RPE: variants seen among roughly 807,000 people sequenced by gnomAD.
RPE encodes ribulose-5-phosphate-3-epimerase, also known as ribulose-phosphate 3-epimerase.
RPE carries 16 observed loss-of-function variants against 24.6 expected under a neutral mutation model. That is an observed-to-expected ratio of 0.65 (90% CI 0.44 to 0.99). The LOEUF (loss-of-function observed/expected upper bound fraction) is 0.99, where lower values mean the gene tolerates loss of function less well. Among genes scored for constraint, RPE ranks in the 50% least tolerant of loss-of-function variants. The pLI is 0.00. For missense variants in RPE, 240 were observed against 294.5 expected (o/e 0.81, Z 1.35); for synonymous variants, 93 against 98.4 (o/e 0.94, Z 0.33).
chr2:210,015,902 A>C (rs1045016978), intron 2 of RPE, 71 bp from the exon 3 acceptor site: 3 of 1,557,956 alleles, frequency 1.9e-6, no homozygotes, highest in African/African-American at 2.7e-5. Flanking sequence ...CAAAAACTAC[A>C]TACAGGTTGG....
rs368018718 is a variant in RPE at position 210,021,998 on chromosome 2, A to T, written c.*2207A>T. 5.4e-5 allele frequency: 8 copies of T among 148,478 alleles called. No homozygotes were observed. The East Asian group carries it at 1.6e-3, about 29-fold the overall frequency. The allele number at this position is 148,478 out of a possible 1,614,324, so 9.2% of individuals were successfully genotyped here. On this transcript the variant is annotated 3_prime_UTR_variant, in exon 6 of 6. Transcript: ENST00000359429. The stretch of plus-strand genomic sequence containing the variant: ...AATTTCTTGCTAATCTAGAAATACA[A>T]TCATCTTTTTTTTTTTTTTCAAATT...
intron 2 of RPE, among the ~76,000 whole-genome samples, chr2:210,014,882 C>A (rs1434632673): frequency 6.6e-6 from 1 of 152,162 alleles, no homozygotes; most frequent in East Asian, 1.9e-4. Context: ...ACACAGGATT[C>A]TTCACAGTGT....
intron 1 of RPE, among the ~76,000 whole-genome samples, chr2:210,005,175 A>G (rs1445741366): frequency 5.9e-5 from 9 of 151,900 alleles, no homozygotes; most frequent in Non-Finnish European, 1.0e-4. Context: ...AGGGCTATGA[A>G]AGTGGGCTGT....
At chr2:210,013,214 G>A (rs556238885) in intron 2 of RPE, among the ~76,000 whole-genome samples, 1 of 152,088 alleles carries the variant, frequency 6.6e-6, no homozygotes, top group Non-Finnish European at 1.5e-5. Context: ...CAGAACAGAT[G>A]TGAGAATATA....
rs1011324146 is a variant in RPE, at chr2:210,020,035, A to G, written c.*244A>G. 1.2e-5 allele frequency: 4 copies of G among 323,072 alleles called. No homozygotes were observed. The highest frequency in any genetic ancestry group is 1.7e-5 in the Non-Finnish European group (3 of 174,562). 20.0% of individuals were successfully genotyped at this position (323,072 alleles called of 1,614,324 possible). ...GATACTGTTTTTATTGAGAGATTTG[A>G]TTTTTATAAAGTAAAAATACGGCTG... On this transcript the variant is annotated 3_prime_UTR_variant, in exon 6 of 6. Transcript: ENST00000359429.
rs1210671999 is a variant in RPE, at chr2:210,019,647, CCTAA to C, written c.565-19_565-16del. On this transcript the variant is annotated intron_variant, in intron 5 of 5. Coordinates refer to ENST00000359429, the MANE Select transcript of RPE (RefSeq NM_199229.3). Reference sequence around the variant, plus strand: ...TTCTACATTTTCCTTTGAGGCATAACCTAACTGTTTACTTCTTCCAGGCAGGAGC... The same window carrying C: ...TTCTACATTTTCCTTTGAGGCATAACCTGTTTACTTCTTCCAGGCAGGAGC... 6 of 1,609,712 alleles carry C rather than the reference CCTAA, an allele frequency of 3.7e-6. No homozygotes were observed. Among genetic ancestry groups the C allele is most frequent in the Middle Eastern group, 1.7e-4 (1 of 6,060 alleles).
chr2:210,003,888 T>C lies in RPE; in HGVS notation c.122+1105T>C, dbSNP rs1387735145. ...AATGTATTGTTTCTCTTTGGCATTT[T>C]ACCCAGTTACCTTAGGAGTCCACCC... On this transcript the variant is annotated intron_variant, in intron 1 of 5. Coordinates refer to ENST00000359429, the MANE Select transcript of RPE (RefSeq NM_199229.3). Among the ~76,000 whole-genome samples the C allele has an allele frequency of 9.9e-5, 15 of 152,220 alleles. 1 individual carries two copies. The highest frequency in any genetic ancestry group is 9.8e-4 in the Admixed American group (15 of 15,284).
At chr2:210,010,524 A>G (rs911454340) in intron 2 of RPE, among the ~76,000 whole-genome samples, 1 of 152,076 alleles carries the variant, frequency 6.6e-6, no homozygotes, top group African/African-American at 2.4e-5. Flanking sequence ...TTGGCCTCCC[A>G]AAGTGCTAGG....
intron 1 of RPE, 72 bp downstream of exon 1, chr2:210,002,855 T>G: frequency 6.2e-7 from 1 of 1,612,148 alleles, no homozygotes. Flanking sequence ...TGACTGCTTG[T>G]TGGATGTACC....
At chr2:210,015,072 T>C (rs899202264) in intron 2 of RPE, among the ~76,000 whole-genome samples, 4 of 152,330 alleles carry the variant, frequency 2.6e-5, no homozygotes, top group Admixed American at 6.5e-5. Context: ...TCCCCCTAAA[T>C]TTGTTCTTGC....
intron 1 of RPE, among the ~76,000 whole-genome samples, chr2:210,008,833 T>G (rs1268302299): frequency 3.9e-5 from 6 of 151,956 alleles, no homozygotes; most frequent in Non-Finnish European, 8.8e-5. Flanking sequence ...GAAGCTGGGA[T>G]TACAGGTGCA....
intron 1 of RPE, 96 bp from the exon 2 acceptor site, chr2:210,009,561 C>T (rs1261324755): frequency 1.3e-6 from 2 of 1,482,034 alleles, no homozygotes; most frequent in South Asian, 1.1e-5. Flanking sequence ...AAAAACATTG[C>T]AGACAATCCC....
rs2093834125 is a variant in RPE at position 210,019,776 on chromosome 2, T to G, written c.672T>G (p.Arg224=). 2 of 1,612,864 alleles carry G rather than the reference T, an allele frequency of 1.2e-6. No individual in the cohort carries two copies. Among genetic ancestry groups the G allele is most frequent in the African/African-American group, 2.7e-5 (2 of 74,900 alleles). The change falls in exon 6 of 6, where the codon CGT becomes CGG. Residue 224 remains arginine, a synonymous_variant. Transcript: ENST00000359429. ...RNVCSEAAQK[R]SLDR ...TTTGCTCAGAAGCTGCTCAGAAACG[T>G]TCTCTTGATCGGTGAAACCATAAGG...
intron 2 of RPE, among the ~76,000 whole-genome samples, chr2:210,012,306 T>C (rs2093711137): frequency 6.6e-6 from 1 of 152,220 alleles, no homozygotes. Flanking sequence ...TTATTTGCCA[T>C]TATTTCTACT....
intron 1 of RPE, among the ~76,000 whole-genome samples, chr2:210,005,351 T>C (rs1313125438): frequency 2.0e-5 from 3 of 152,156 alleles, no homozygotes; most frequent in Non-Finnish European, 4.4e-5. Context: ...ATTTCTCCCC[T>C]GATTACAACT....
chr2:210,004,567 G>C (rs1420583979), intron 1 of RPE, among the ~76,000 whole-genome samples: 4 of 152,100 alleles, frequency 2.6e-5, no homozygotes, highest in Admixed American at 2.0e-4. Flanking sequence ...GACATTGTTT[G>C]GCCTCAAAAA....
chr2:210,019,554 C>A, intron 5 of RPE, 115 bp from the exon 6 acceptor site: 1 of 1,277,486 alleles, frequency 7.8e-7, no homozygotes, highest in South Asian at 1.8e-5. Context: ...CAAAGTGGCT[C>A]TCATATGATT....
intron 1 of RPE, among the ~76,000 whole-genome samples, chr2:210,005,418 G>T (rs542177036): frequency 3.9e-5 from 6 of 152,258 alleles, no homozygotes; most frequent in African/African-American, 1.4e-4. Flanking sequence ...GGAAGGTGGA[G>T]CACTAGCATG....
chr2:210,007,901 C>G (rs1260822953), intron 1 of RPE, among the ~76,000 whole-genome samples: 2 of 152,114 alleles, frequency 1.3e-5, no homozygotes, highest in Non-Finnish European at 2.9e-5. Context: ...TGTGGCTCTT[C>G]CATTCTGTAA....
Sources: allele counts gnomAD v4.1 joint callset (sites outside exome capture counted in the v4.1 genomes callset), GRCh38; gene constraint gnomAD v4.1.1; transcripts MANE v1.5; gene names NCBI Gene and HGNC (gene_info 2026-07-23, HGNC 2026-07-21).